CLSTN2: variants seen among roughly 807,000 people sequenced by gnomAD.
CLSTN2 encodes the protein calsyntenin 2.
In CLSTN2, 48 loss-of-function variants were observed where a neutral mutation model predicts 101.2. The ratio of observed to expected loss-of-function variants is 0.47; its 90% CI spans 0.38 to 0.60. The LOEUF is 0.60. CLSTN2 is among the 20% of genes least tolerant of loss of function. CLSTN2 has a pLI of 0.00. For synonymous variants in CLSTN2, 481 were observed against 463.6 expected (o/e 1.04, Z -0.48); for missense variants, 1,160 against 1,238.2 (o/e 0.94, Z 0.95).
chr3:140,345,264 T>TG (rs2087534373), intron 2 of CLSTN2, among the ~76,000 whole-genome samples: 2 of 149,714 alleles, frequency 1.3e-5, no homozygotes, highest in Admixed American at 6.7e-5. Context: ...TTTTTTTTTT[T>TG]TGAGACAGAG....
intron 2 of CLSTN2, among the ~76,000 whole-genome samples, chr3:140,389,199 CAT>C (rs2088085070): frequency 6.6e-6 from 1 of 152,142 alleles, no homozygotes. Flanking sequence ...CATAGGTAAA[CAT>C]GTGCCATGGT....
intron 8 of CLSTN2, among the ~76,000 whole-genome samples, chr3:140,483,081 G>A (rs1046121646): frequency 6.6e-6 from 1 of 152,044 alleles, no homozygotes; most frequent in Admixed American, 6.5e-5. Flanking sequence ...TGGGCATTTA[G>A]TGCTATAAAT....
chr3:140,276,780 G>A lies in CLSTN2; in HGVS notation c.232+100707G>A, dbSNP rs7610928. Among the ~76,000 whole-genome samples, 1,418 of 152,294 alleles carry A rather than the reference G, an allele frequency of 9.3e-3. 28 individuals are homozygous for A. The highest frequency in any genetic ancestry group is 0.032 in the African/African-American group (1,348 of 41,556). On this transcript the variant is annotated intron_variant, in intron 2 of 16. Transcript: ENST00000458420. Reference sequence around the variant, plus strand: ...GTTGGTCTCCAGTATCACATAGAACGTGTATCAAAGGATGGGGGAAGTCAA... The same window carrying A: ...GTTGGTCTCCAGTATCACATAGAACATGTATCAAAGGATGGGGGAAGTCAA...
At chr3:139,967,480 G>A (rs1164157364) in intron 1 of CLSTN2, among the ~76,000 whole-genome samples, 1 of 152,186 alleles carries the variant, frequency 6.6e-6, no homozygotes, top group Non-Finnish European at 1.5e-5. Context: ...GACAGCCAGG[G>A]AATGGTCATG....
At chr3:140,157,121 C>A (rs2009966962) in intron 1 of CLSTN2, among the ~76,000 whole-genome samples, 1 of 151,996 alleles carries the variant, frequency 6.6e-6, no homozygotes, top group Non-Finnish European at 1.5e-5. Flanking sequence ...ACTATTCAAT[C>A]TTTATTTTTT....
At chr3:140,466,803 G>A (rs2108021239) in intron 8 of CLSTN2, 72 bp downstream of exon 8, 1 of 1,598,122 alleles carries the variant, frequency 6.3e-7, no homozygotes, top group South Asian at 1.1e-5. Flanking sequence ...CAATGGTGAT[G>A]GCAGTGGGGA....
chr3:140,090,104 A>T (rs2008751762), intron 1 of CLSTN2, among the ~76,000 whole-genome samples: 1 of 133,780 alleles, frequency 7.5e-6, no homozygotes, highest in African/African-American at 2.9e-5. Context: ...ATGTCTCTGG[A>T]TGGAGGGGAG....
intron 2 of CLSTN2, among the ~76,000 whole-genome samples, chr3:140,239,855 A>G (rs187140230): frequency 2.0e-5 from 3 of 152,174 alleles, no homozygotes; most frequent in East Asian, 3.9e-4. Context: ...TACATTATGT[A>G]TGTATGTATA....
rs1452851543 is a variant in CLSTN2 at position 140,513,140 on chromosome 3, C to A, written c.1345-19184C>A. On this transcript the variant is annotated intron_variant, in intron 8 of 16. Transcript: ENST00000458420. ...GATTTCCTGGGCCAAACTTCCAATA[C>A]AATGTTGAATAGGAGTGGTGAGAGA... Among the ~76,000 whole-genome samples, 4 of 152,236 alleles carry A rather than the reference C, an allele frequency of 2.6e-5. No individual in the cohort carries two copies. The East Asian group carries it at 7.7e-4, about 29-fold the overall frequency.
At chr3:139,938,503 A>G (rs888379648) in intron 1 of CLSTN2, among the ~76,000 whole-genome samples, 1 of 152,232 alleles carries the variant, frequency 6.6e-6, no homozygotes, top group African/African-American at 2.4e-5. Flanking sequence ...TGGCCAGGCA[A>G]TTATAACTCC....
intron 2 of CLSTN2, among the ~76,000 whole-genome samples, chr3:140,259,451 G>T (rs1323649903): frequency 6.6e-6 from 1 of 151,966 alleles, no homozygotes; most frequent in Non-Finnish European, 1.5e-5. Flanking sequence ...TCCAACCTGG[G>T]CAACAGAGTG....
At chr3:140,026,413 T>C (rs2007420692) in intron 1 of CLSTN2, among the ~76,000 whole-genome samples, 1 of 152,188 alleles carries the variant, frequency 6.6e-6, no homozygotes, top group Non-Finnish European at 1.5e-5. Flanking sequence ...GTGTATGTGC[T>C]AAATGTGTCC....
At chr3:139,943,559 A>G (rs1935169159) in intron 1 of CLSTN2, among the ~76,000 whole-genome samples, 1 of 152,204 alleles carries the variant, frequency 6.6e-6, no homozygotes, top group African/African-American at 2.4e-5. Context: ...TCCAAACAGC[A>G]TGGTGCCTTG....
chr3:140,240,840 C>T (rs978588696), intron 2 of CLSTN2, among the ~76,000 whole-genome samples: 1 of 152,132 alleles, frequency 6.6e-6, no homozygotes, highest in South Asian at 2.1e-4. Context: ...CAGATTTTTA[C>T]GTGGCACTAC....
At chr3:140,077,490 G>T (rs531525331) in intron 1 of CLSTN2, among the ~76,000 whole-genome samples, 1 of 152,074 alleles carries the variant, frequency 6.6e-6, no homozygotes, top group African/African-American at 2.4e-5. Context: ...TTGGTGGTTC[G>T]GTTGCTCAGT....
chr3:140,324,657 A>G (rs569989822), intron 2 of CLSTN2, among the ~76,000 whole-genome samples: 1 of 152,308 alleles, frequency 6.6e-6, no homozygotes, highest in Non-Finnish European at 1.5e-5. Flanking sequence ...TTTTAAAGCA[A>G]TGGTGCTTAG....
chr3:139,950,484 T>C (rs573060696), intron 1 of CLSTN2, among the ~76,000 whole-genome samples: 1 of 152,326 alleles, frequency 6.6e-6, no homozygotes, highest in South Asian at 2.1e-4. Flanking sequence ...TTTCTGTAAC[T>C]CTGGCTCTAG....
chr3:140,306,651 GT>G (rs919480183), intron 2 of CLSTN2, among the ~76,000 whole-genome samples: 7 of 152,110 alleles, frequency 4.6e-5, no homozygotes, highest in African/African-American at 7.2e-5. Flanking sequence ...TAAAGAGCTA[GT>G]TTTGCCTGGT....
intron 1 of CLSTN2, among the ~76,000 whole-genome samples, chr3:140,093,790 A>G (rs1206833981): frequency 6.6e-6 from 1 of 152,266 alleles, no homozygotes; most frequent in Non-Finnish European, 1.5e-5. Context: ...ATGTTAAAAT[A>G]TGTACAATTA....
Sources: gnomAD v4.1 joint callset for allele counts (sites outside exome capture counted in the v4.1 genomes callset) on GRCh38, gnomAD v4.1.1 for gene constraint, MANE v1.5 for transcripts, NCBI Gene and HGNC (gene_info 2026-07-23, HGNC 2026-07-21) for gene names.